PCDHGA5: variants seen among roughly 807,000 people sequenced by gnomAD.
The protein encoded by PCDHGA5 is protocadherin gamma-A5.
PCDHGA5 carries 36 observed loss-of-function variants against 56.7 expected under a neutral mutation model. That is an observed-to-expected ratio of 0.64 (90% CI 0.49 to 0.84). PCDHGA5 has a LOEUF of 0.84. Among genes scored for constraint, PCDHGA5 ranks in the 40% least tolerant of loss-of-function variants. The pLI is 0.00. For missense variants in PCDHGA5, 1,305 were observed against 1,201.5 expected (o/e 1.09, Z -1.27); for synonymous variants, 563 against 520.2 (o/e 1.08, Z -1.12).
At chr5:141,437,826 CT>C (rs1263000808) in intron 1 of PCDHGA5, among the ~76,000 whole-genome samples, 5 of 151,936 alleles carry the variant, frequency 3.3e-5, no homozygotes, top group African/African-American at 1.2e-4. Flanking sequence ...CAACCTCTGC[CT>C]CCTGGGTTCA....
intron 1 of PCDHGA5, chr5:141,422,516 G>A (rs575294611): frequency 1.2e-6 from 2 of 1,614,014 alleles, no homozygotes; most frequent in African/African-American, 1.3e-5. Context: ...GACCAGGGAA[G>A]CCCGCCTTTG....
chr5:141,414,990 C>A (rs1442265707), intron 1 of PCDHGA5: 5 of 1,613,794 alleles, frequency 3.1e-6, no homozygotes, highest in Admixed American at 1.7e-5. Context: ...CCGGCCAGAA[C>A]GCCTGGCTGT....
At position 141,423,386 on chromosome 5, in the gene PCDHGA5, G is replaced by C; in HGVS notation, c.2421+56635G>C. ...CTGCTGGCACTCAGGCTGTGGCGCT[G>C]GCATAAGTCACGCCTGCTGCAGGCT... On this transcript the variant is annotated intron_variant, in intron 1 of 3. Transcript: ENST00000518069. The C allele has an allele frequency of 1.9e-6, 3 of 1,614,160 alleles. No homozygotes were observed. The South Asian group carries it at 3.3e-5, about 18-fold the overall frequency.
In PCDHGA5 at chr5:141,512,394, C is replaced by A. The variant is rs750967336; in HGVS notation, c.*1221C>A. 1 of 152,706 alleles carries A rather than the reference C, an allele frequency of 6.5e-6. No homozygotes were observed. The highest frequency in any genetic ancestry group is 1.5e-5 in the Non-Finnish European group (1 of 68,084). The allele number at this position is 152,706 out of a possible 1,614,324, so 9.5% of individuals were successfully genotyped here. ...GACCAAATGAACAGAAAGTCTCAGC[C>A]CAGGATGGGGCTTCTTCAACAGGGC... is the stretch of plus-strand genomic sequence containing the variant. On this transcript the variant is annotated 3_prime_UTR_variant, in exon 4 of 4. Transcript: ENST00000518069.
intron 1 of PCDHGA5, chr5:141,393,073 C>A: frequency 1.2e-6 from 2 of 1,613,658 alleles, no homozygotes; most frequent in Non-Finnish European, 8.5e-7. Flanking sequence ...TTGATCACCG[C>A]GGGCAGGATA....
At chr5:141,387,156 A>C (rs1173690148) in intron 1 of PCDHGA5, among the ~76,000 whole-genome samples, 1 of 152,232 alleles carries the variant, frequency 6.6e-6, no homozygotes, top group Non-Finnish European at 1.5e-5. Flanking sequence ...GTGTATTTGA[A>C]GATAAGTATA....
intron 1 of PCDHGA5, chr5:141,422,106 C>T: frequency 6.2e-7 from 1 of 1,607,266 alleles, no homozygotes; most frequent in Non-Finnish European, 8.5e-7. Flanking sequence ...CTGAAATATT[C>T]CAATTGGATT....
At chr5:141,369,892 TATG>T (rs1425925280) in intron 1 of PCDHGA5, among the ~76,000 whole-genome samples, 1 of 152,208 alleles carries the variant, frequency 6.6e-6, no homozygotes. Context: ...AAGATATTAT[TATG>T]ACCATTTTAT....
intron 1 of PCDHGA5, chr5:141,418,787 G>A: frequency 6.2e-7 from 1 of 1,613,794 alleles, no homozygotes; most frequent in Non-Finnish European, 8.5e-7. Context: ...TTTGGATTTT[G>A]AAGAAGTAGA....
At chr5:141,455,186 C>T (rs1436215310) in intron 1 of PCDHGA5, among the ~76,000 whole-genome samples, 3 of 151,542 alleles carry the variant, frequency 2.0e-5, no homozygotes, top group Non-Finnish European at 2.9e-5. Context: ...TTTTATTTCT[C>T]TACAAATTTA....
intron 1 of PCDHGA5, chr5:141,390,882 G>C (rs892294372): frequency 6.5e-6 from 1 of 152,824 alleles, no homozygotes; most frequent in Admixed American, 6.5e-5. Flanking sequence ...GTGTGTGTGT[G>C]TGTGTGAGAG....
chr5:141,367,493 C>G (rs1262243719), intron 1 of PCDHGA5: 1 of 151,842 alleles, frequency 6.6e-6, no homozygotes, highest in Non-Finnish European at 1.5e-5. Context: ...GCCGAGATCG[C>G]GCCACTGCAC....
chr5:141,486,400 T>G lies in PCDHGA5; in HGVS notation c.2422-8407T>G. On this transcript the variant is annotated intron_variant, in intron 1 of 3. Transcript: ENST00000518069. This position sits in a 1 kb window ranked among gnomAD's most constrained non-coding sequence, Gnocchi z 5.0. Reference sequence around the variant, plus strand: ...TCAGGAACCAGTTCTCCCTGGTGACTGCTGGACCCTTGGATCGAGAGGCCA... The same window carrying G: ...TCAGGAACCAGTTCTCCCTGGTGACGGCTGGACCCTTGGATCGAGAGGCCA... 5.0e-6 allele frequency: 8 copies of G among 1,614,194 alleles called. No homozygotes were observed. The highest frequency in any genetic ancestry group is 6.8e-6 in the Non-Finnish European group (8 of 1,180,028).
intron 1 of PCDHGA5, chr5:141,394,779 G>A (rs1561651112): frequency 6.2e-7 from 1 of 1,613,590 alleles, no homozygotes; most frequent in Admixed American, 1.7e-5. Context: ...CCCTCTCTCC[G>A]CCACTGTCAC....
chr5:141,505,705 GAA>G (rs1250788277), intron 3 of PCDHGA5, among the ~76,000 whole-genome samples: 1 of 152,198 alleles, frequency 6.6e-6, no homozygotes, highest in Non-Finnish European at 1.5e-5. Flanking sequence ...AGCGAACAAG[GAA>G]AAGACTCATG....
rs1231591874 is a variant in PCDHGA5 at position 141,431,615 on chromosome 5, G to T, written c.2422-63192G>T. The T allele has an allele frequency of 3.1e-6, 5 of 1,614,118 alleles. No homozygotes were observed. Among genetic ancestry groups the T allele is most frequent in the African/African-American group, 2.7e-5 (2 of 74,950 alleles). On this transcript the variant is annotated intron_variant, in intron 1 of 3. Transcript: ENST00000518069. The surrounding 1 kb of genome is among the most constrained non-coding windows in gnomAD (Gnocchi z 4.8). Reference sequence around the variant, plus strand: ...GAGGTATTCCTTCCGGTATGTGGACGACAAGGCGGCCCAAGTTTTCAAACT... The same window carrying T: ...GAGGTATTCCTTCCGGTATGTGGACTACAAGGCGGCCCAAGTTTTCAAACT...
chr5:141,505,486 G>A lies in PCDHGA5; in HGVS notation c.2569+5G>A, dbSNP rs1291166546. The A allele has an allele frequency of 1.8e-5, 29 of 1,614,088 alleles. No homozygotes were observed. The highest frequency in any genetic ancestry group is 2.1e-5 in the Non-Finnish European group (25 of 1,180,018). On this transcript the variant is annotated splice_donor_5th_base_variant and intron_variant, in intron 3 of 3. Transcript: ENST00000518069. ...TGATCTTGGCGTCCGCCAGTGGTAA[G>A]TGGTGTCAGTGTGTGTATGGAAGAG...
intron 1 of PCDHGA5, among the ~76,000 whole-genome samples, chr5:141,434,605 T>C (rs1448149059): frequency 6.6e-6 from 1 of 152,198 alleles, no homozygotes; most frequent in Non-Finnish European, 1.5e-5. Context: ...ATCCCTTTAT[T>C]TCCGCCCATC....
chr5:141,414,868 G>A (rs1346192710), intron 1 of PCDHGA5: 1 of 1,614,098 alleles, frequency 6.2e-7, no homozygotes, highest in African/African-American at 1.3e-5. Flanking sequence ...CAATGCGCCC[G>A]AGATCCTGTA....
Sources: gnomAD v4.1 joint callset for allele counts (sites outside exome capture counted in the v4.1 genomes callset) on GRCh38, gnomAD v4.1.1 for gene constraint, Gnocchi (gnomAD v3.1) non-coding constraint, MANE v1.5 for transcripts, NCBI Gene and HGNC (gene_info 2026-07-23, HGNC 2026-07-21) for gene names.